The following MITF variants were observed in gnomAD, a reference collection of about 807,000 sequenced individuals.
The protein encoded by MITF is melanocyte inducing transcription factor.
In MITF, 17 loss-of-function variants were observed where a neutral mutation model predicts 60.5. The ratio of observed to expected loss-of-function variants is 0.28; its 90% CI spans 0.19 to 0.42. The LOEUF (loss-of-function observed/expected upper bound fraction) is 0.42. MITF is among the 10% of genes least tolerant of loss of function. The probability of loss-of-function intolerance (pLI) is 1.00; values close to 1 mark genes in which losing one functional copy is unlikely to be tolerated. For synonymous variants in MITF, 260 were observed against 248.5 expected, an observed-to-expected ratio of 1.05 and a Z score of -0.43; for missense variants, 622 against 683.5, an observed-to-expected ratio of 0.91 and a Z score of 1.00.
At chr3:69,897,373 C>T (rs1017371103) in intron 2 of MITF, among the ~76,000 whole-genome samples, 1 of 152,020 alleles carries the variant, frequency 6.6e-6, no homozygotes, top group African/African-American at 2.4e-5. Flanking sequence ...TGGAACCTTG[C>T]CAGACAGAAG....
intron 1 of MITF, among the ~76,000 whole-genome samples, chr3:69,860,784 G>T (rs2064002953): frequency 6.6e-6 from 1 of 152,104 alleles, no homozygotes; most frequent in Non-Finnish European, 1.5e-5. Flanking sequence ...TCCCAATCAG[G>T]TTTATGTGGG....
chr3:69,911,677 T>G (rs2065228754), intron 2 of MITF, among the ~76,000 whole-genome samples: 1 of 152,168 alleles, frequency 6.6e-6, no homozygotes, highest in South Asian at 2.1e-4. Context: ...TTCACAAAAA[T>G]TCAATCTGTA....
intron 2 of MITF, among the ~76,000 whole-genome samples, chr3:69,895,808 TTGTG>T (rs35088149): frequency 0.037 from 5,236 of 140,078 alleles, 140 homozygotes; most frequent in East Asian, 0.1. Flanking sequence ...TGTGGAGTGT[TTGTG>T]TGTGTGTGTG....
chr3:69,845,442 CTTTT>C (rs751773040), intron 1 of MITF, among the ~76,000 whole-genome samples: 61 of 136,824 alleles, frequency 4.5e-4, no homozygotes, highest in African/African-American at 1.6e-3. Context: ...TTTTTTCTTT[CTTTT>C]TTTTTTTTTT....
chr3:69,831,651 G>A (rs1293573877), intron 1 of MITF, among the ~76,000 whole-genome samples: 1 of 152,102 alleles, frequency 6.6e-6, no homozygotes, highest in Non-Finnish European at 1.5e-5. Flanking sequence ...TGGGTTGTTT[G>A]CTTTGTTTCT....
At chr3:69,857,394 A>G (rs1157533597) in intron 1 of MITF, among the ~76,000 whole-genome samples, 1 of 152,130 alleles carries the variant, frequency 6.6e-6, no homozygotes, top group Non-Finnish European at 1.5e-5. Flanking sequence ...GATTTGTTTA[A>G]TAATAAACAT....
At chr3:69,799,000 C>G (rs560091384) in intron 1 of MITF, among the ~76,000 whole-genome samples, 21 of 152,162 alleles carry the variant, frequency 1.4e-4, no homozygotes, top group African/African-American at 1.7e-4. Flanking sequence ...ATCCTAGACT[C>G]TGATGCCCTA....
chr3:69,947,196 A>T (rs2066119005), intron 5 of MITF, among the ~76,000 whole-genome samples: 1 of 152,154 alleles, frequency 6.6e-6, no homozygotes, highest in African/African-American at 2.4e-5. Context: ...CAAGTGGAAT[A>T]ATTTTTCTTT....
intron 2 of MITF, among the ~76,000 whole-genome samples, chr3:69,924,990 A>C (rs1272934728): frequency 6.6e-6 from 1 of 151,932 alleles, no homozygotes; most frequent in Non-Finnish European, 1.5e-5. Context: ...CATCTTTTAA[A>C]GTCCTCTCGT....
At chr3:69,819,618 C>CAA (rs2063234552) in intron 1 of MITF, among the ~76,000 whole-genome samples, 1 of 149,888 alleles carries the variant, frequency 6.7e-6, no homozygotes, top group Non-Finnish European at 1.5e-5. Context: ...GTGAACTCAA[C>CAA]AAAACAAAAC....
rs776961961 is a variant in MITF, at chr3:69,953,662, TAGAGAG to T, written c.955+1798_955+1803del. Among the ~76,000 whole-genome samples the T allele has an allele frequency of 1.4e-3, 193 of 136,556 alleles. 1 individual carries two copies. In the East Asian group the frequency reaches 0.028, roughly 20 times the overall value. The allele number at this position is 136,556 out of a possible 152,430, so 89.6% of individuals were successfully genotyped here. ...ATATATGTATGTATATATATATATATAGAGAGAGAGAGAGAGAGAGAGAGAGACAGA... is the reference window on the plus strand; with the variant it reads ...ATATATGTATGTATATATATATATATAGAGAGAGAGAGAGAGAGAGACAGA... On this transcript the variant is annotated intron_variant, in intron 7 of 9. Coordinates refer to ENST00000352241, the MANE Select transcript of MITF (RefSeq NM_001354604.2).
At chr3:69,901,017 A>C (rs1049034525) in intron 2 of MITF, among the ~76,000 whole-genome samples, 2 of 152,056 alleles carry the variant, frequency 1.3e-5, no homozygotes, top group African/African-American at 2.4e-5. Context: ...CAAAACAAAA[A>C]AAACCTATGA....
chr3:69,770,826 A>C (rs1046265196), intron 1 of MITF, among the ~76,000 whole-genome samples: 2 of 152,208 alleles, frequency 1.3e-5, no homozygotes, highest in Non-Finnish European at 2.9e-5. Flanking sequence ...CAAGTAGAGT[A>C]GGAATGGCTT....
chr3:69,937,711 A>C, intron 2 of MITF, 111 bp from the exon 3 acceptor site: 1 of 889,742 alleles, frequency 1.1e-6, no homozygotes, highest in South Asian at 1.4e-5. Context: ...AAGGCTTAAT[A>C]ATTTATTCTG....
At chr3:69,897,848 A>C (rs939487678) in intron 2 of MITF, among the ~76,000 whole-genome samples, 2 of 152,256 alleles carry the variant, frequency 1.3e-5, no homozygotes, top group Admixed American at 6.5e-5. Flanking sequence ...ATGAATTAAT[A>C]AAATCACAAA....
At chr3:69,950,759 T>C (rs1288857010) in intron 6 of MITF, among the ~76,000 whole-genome samples, 1 of 151,988 alleles carries the variant, frequency 6.6e-6, no homozygotes, top group Non-Finnish European at 1.5e-5. Flanking sequence ...TAACAGAGCT[T>C]TCTGGATCCC....
intron 1 of MITF, among the ~76,000 whole-genome samples, chr3:69,791,326 G>A: frequency 6.6e-6 from 1 of 152,178 alleles, no homozygotes; most frequent in East Asian, 1.9e-4. Context: ...TCGCTGAAGA[G>A]CTCTCCAAGT....
At chr3:69,888,933 G>A (rs1454613190) in intron 2 of MITF, among the ~76,000 whole-genome samples, 1 of 151,132 alleles carries the variant, frequency 6.6e-6, no homozygotes, top group Non-Finnish European at 1.5e-5. Flanking sequence ...TGGGATGTGA[G>A]GTGCTTGTCA....
At chr3:69,851,822 T>C (rs1471791041) in intron 1 of MITF, among the ~76,000 whole-genome samples, 1 of 152,096 alleles carries the variant, frequency 6.6e-6, no homozygotes, top group African/African-American at 2.4e-5. Context: ...AAAAAGGAGA[T>C]GAAAACATTT....
Sources: allele counts gnomAD v4.1 joint callset (sites outside exome capture counted in the v4.1 genomes callset), GRCh38; gene constraint gnomAD v4.1.1; transcripts MANE v1.5; gene names NCBI Gene and HGNC (gene_info 2026-07-23, HGNC 2026-07-21).